CAMK2D: variants seen among roughly 807,000 people sequenced by gnomAD.
CAMK2D encodes the protein calcium/calmodulin-dependent protein kinase type II subunit delta.
CAMK2D carries 37 observed loss-of-function variants against 84.0 expected under a neutral mutation model. The ratio of observed to expected loss-of-function variants is 0.44; its 90% CI spans 0.34 to 0.58. CAMK2D has a LOEUF of 0.58. CAMK2D is among the 20% of genes least tolerant of loss of function. The probability of loss-of-function intolerance (pLI) is 0.02; values close to 1 mark genes in which losing one functional copy is unlikely to be tolerated. For missense variants in CAMK2D, 448 were observed against 652.5 expected, an observed-to-expected ratio of 0.69 and a Z score of 3.41; for synonymous variants, 202 against 212.5, an observed-to-expected ratio of 0.95 and a Z score of 0.43.
At chr4:113,681,953 T>G (rs1232626409) in intron 2 of CAMK2D, among the ~76,000 whole-genome samples, 1 of 152,086 alleles carries the variant, frequency 6.6e-6, no homozygotes, top group African/African-American at 2.4e-5. Context: ...GCACAAAGTA[T>G]GTCTGTACTC....
At chr4:113,493,373 A>C (rs1442265082) in intron 16 of CAMK2D, among the ~76,000 whole-genome samples, 2 of 150,520 alleles carry the variant, frequency 1.3e-5, no homozygotes, top group Non-Finnish European at 3.0e-5. Context: ...GCTTGTCTGT[A>C]AAGTATTTTA....
At chr4:113,514,006 G>A in intron 10 of CAMK2D, 93 bp from the exon 11 acceptor site, 5 of 591,158 alleles carry the variant, frequency 8.5e-6, no homozygotes, top group Admixed American at 3.3e-5. Context: ...ATTTATTAAT[G>A]GTGCTGCACC....
chr4:113,680,443 C>G (rs1007782610), intron 2 of CAMK2D, among the ~76,000 whole-genome samples: 1 of 152,214 alleles, frequency 6.6e-6, no homozygotes, highest in Non-Finnish European at 1.5e-5. Flanking sequence ...GCAGCTGAAG[C>G]TGACCCTGAC....
chr4:113,578,947 A>G (rs1025673031), intron 4 of CAMK2D, among the ~76,000 whole-genome samples: 50 of 149,020 alleles, frequency 3.4e-4, no homozygotes, highest in African/African-American at 1.2e-3. Context: ...ATGACAAACA[A>G]TTAAAAAATA....
chr4:113,682,346 T>C (rs997468697), intron 2 of CAMK2D, among the ~76,000 whole-genome samples: 9 of 152,094 alleles, frequency 5.9e-5, no homozygotes, highest in African/African-American at 2.2e-4. Flanking sequence ...AAATTTATAA[T>C]TTCAAATTTT....
chr4:113,483,837 A>G, intron 16 of CAMK2D, among the ~76,000 whole-genome samples: 1 of 152,234 alleles, frequency 6.6e-6, no homozygotes, highest in East Asian at 1.9e-4. Context: ...TCAGAAGCAG[A>G]AATACATAAG....
intron 3 of CAMK2D, among the ~76,000 whole-genome samples, chr4:113,661,087 G>T (rs142158413): frequency 6.6e-6 from 1 of 152,066 alleles, no homozygotes; most frequent in Non-Finnish European, 1.5e-5. Flanking sequence ...GAGCCACCGC[G>T]CCCGGCCTGT....
At chr4:113,586,145 G>T (rs1260016302) in intron 4 of CAMK2D, among the ~76,000 whole-genome samples, 1 of 152,164 alleles carries the variant, frequency 6.6e-6, no homozygotes, top group African/African-American at 2.4e-5. Flanking sequence ...AGCTCCACAA[G>T]CTAGCATGTA....
chr4:113,682,125 G>A (rs2099347741), intron 2 of CAMK2D, among the ~76,000 whole-genome samples: 1 of 152,088 alleles, frequency 6.6e-6, no homozygotes. Flanking sequence ...ACAGGTAACT[G>A]CAAGAATTAA....
chr4:113,544,001 C>T (rs907562157), intron 6 of CAMK2D, among the ~76,000 whole-genome samples: 8 of 151,942 alleles, frequency 5.3e-5, no homozygotes, highest in Non-Finnish European at 8.8e-5. Context: ...CCATGTTAGC[C>T]GGGATGGTCT....
rs954423827 is a variant in CAMK2D at position 113,476,877 on chromosome 4, G to A, written c.1136-11273C>T. 3.3e-5 allele frequency among the ~76,000 whole-genome samples: 5 copies of A among 151,872 alleles called. 1 individual carries two copies. The highest frequency in any genetic ancestry group is 9.7e-5 in the African/African-American group (4 of 41,362). On this transcript the variant is annotated intron_variant, in intron 16 of 20. Coordinates refer to ENST00000511664, the MANE Select transcript of CAMK2D (RefSeq NM_001321571.2). ...CTCATACAAAGGAACTGACTCAACC[G>A]GTCCTGCAACCCCCACCCAGAAACT... is the stretch of plus-strand genomic sequence containing the variant.
intron 18 of CAMK2D, among the ~76,000 whole-genome samples, chr4:113,459,720 G>A (rs948422711): frequency 2.5e-4 from 37 of 148,504 alleles, no homozygotes; most frequent in Admixed American, 6.8e-4. Flanking sequence ...TCCACCTCAC[G>A]GGTTCAAGCA....
chr4:113,693,834 A>ACTAT (rs1298627529), intron 2 of CAMK2D, among the ~76,000 whole-genome samples: 3 of 152,152 alleles, frequency 2.0e-5, no homozygotes, highest in African/African-American at 7.2e-5. Context: ...ACTTTTTTAC[A>ACTAT]CTATCTAAAT....
At chr4:113,760,001 A>G (rs894676126) in intron 1 of CAMK2D, among the ~76,000 whole-genome samples, 4 of 152,222 alleles carry the variant, frequency 2.6e-5, no homozygotes, top group African/African-American at 9.7e-5. Flanking sequence ...ATATATACAT[A>G]TGTAATTTTT....
At chr4:113,601,739 C>T (rs1449383604) in intron 4 of CAMK2D, among the ~76,000 whole-genome samples, 1 of 100,756 alleles carries the variant, frequency 9.9e-6, no homozygotes, top group Non-Finnish European at 1.8e-5. Flanking sequence ...CTTGCTCTGT[C>T]ACCTAGAGTG....
At chr4:113,715,446 G>T (rs1224920873) in intron 2 of CAMK2D, among the ~76,000 whole-genome samples, 1 of 151,952 alleles carries the variant, frequency 6.6e-6, no homozygotes, top group Non-Finnish European at 1.5e-5. Context: ...TATCATAAAA[G>T]ACCATTCAAT....
At chr4:113,485,289 A>T (rs2097755378) in intron 16 of CAMK2D, among the ~76,000 whole-genome samples, 1 of 152,214 alleles carries the variant, frequency 6.6e-6, no homozygotes, top group Non-Finnish European at 1.5e-5. Flanking sequence ...TCTAACTTTC[A>T]TGAAAGTTGA....
chr4:113,669,943 C>T (rs76844411), intron 2 of CAMK2D, among the ~76,000 whole-genome samples: 3,374 of 152,258 alleles, frequency 0.022, 53 homozygotes, highest in East Asian at 0.077. Flanking sequence ...TGGTATCAGA[C>T]AGAGTTCACA....
chr4:113,533,921 C>T (rs1033449591), intron 7 of CAMK2D, among the ~76,000 whole-genome samples: 3 of 150,902 alleles, frequency 2.0e-5, no homozygotes, highest in Non-Finnish European at 4.4e-5. Flanking sequence ...AAACAATAAA[C>T]AGCTTCCATA....
Sources: allele counts gnomAD v4.1 joint callset (sites outside exome capture counted in the v4.1 genomes callset), GRCh38; gene constraint gnomAD v4.1.1; transcripts MANE v1.5; gene names NCBI Gene and HGNC (gene_info 2026-07-23, HGNC 2026-07-21).